NXPE2: variants seen among roughly 807,000 people sequenced by gnomAD.
The protein encoded by NXPE2 is neurexophilin and PC-esterase domain family member 2.
Under a neutral mutation model 34.4 loss-of-function variants are expected in NXPE2, and 34 were observed. The ratio of observed to expected loss-of-function variants is 0.99; its 90% confidence interval spans 0.75 to 1.31. The LOEUF is 1.31. NXPE2 is among the 40% of genes most tolerant of loss of function. The probability of loss-of-function intolerance (pLI) is 0.00; values close to 1 mark genes in which losing one functional copy is unlikely to be tolerated. For missense variants in NXPE2, 649 were observed against 672.5 expected (o/e 0.97, Z 0.39); for synonymous variants, 235 against 231.3 (o/e 1.02, Z -0.15).
chr11:114,486,643 A>C, the NXPE2 span, among the ~76,000 whole-genome samples: 1 of 152,100 alleles, frequency 6.6e-6, no homozygotes, highest in African/African-American at 2.4e-5. Flanking sequence ...CTTAGATTTA[A>C]ATGTTTAATC....
the NXPE2 span, among the ~76,000 whole-genome samples, chr11:114,594,117 T>C: frequency 6.6e-6 from 1 of 152,128 alleles, no homozygotes; most frequent in African/African-American, 2.4e-5. Context: ...CATTTGATAG[T>C]ATAACAGGGT....
the NXPE2 span, among the ~76,000 whole-genome samples, chr11:114,499,741 T>C: frequency 6.6e-6 from 1 of 152,182 alleles, no homozygotes; most frequent in Admixed American, 6.6e-5. Flanking sequence ...ACGCTTTCAC[T>C]ACCCCAAATG....
chr11:114,499,161 C>T, the NXPE2 span, among the ~76,000 whole-genome samples: 6 of 151,992 alleles, frequency 3.9e-5, no homozygotes, highest in African/African-American at 1.4e-4. Context: ...GGATTTTTAG[C>T]TTAGATTACT....
At chr11:114,485,551 A>G in the NXPE2 span, among the ~76,000 whole-genome samples, 2 of 151,714 alleles carry the variant, frequency 1.3e-5, no homozygotes, top group African/African-American at 4.8e-5. Flanking sequence ...TAAATGTACA[A>G]TACATTATTG....
chr11:114,714,945 CG>C, the NXPE2 span, among the ~76,000 whole-genome samples: 1 of 152,080 alleles, frequency 6.6e-6, no homozygotes, highest in Non-Finnish European at 1.5e-5. Context: ...TTGCTTAACC[CG>C]GGAGACAGAG....
chr11:114,649,366 T>C, the NXPE2 span, among the ~76,000 whole-genome samples: 1 of 152,182 alleles, frequency 6.6e-6, no homozygotes, highest in Non-Finnish European at 1.5e-5. Flanking sequence ...ATAGACACAA[T>C]GTGGCATATG....
At chr11:114,589,949 A>G in the NXPE2 span, among the ~76,000 whole-genome samples, 1 of 152,184 alleles carries the variant, frequency 6.6e-6, no homozygotes, top group African/African-American at 2.4e-5. Flanking sequence ...CAAATGCCTG[A>G]GGGAACTAAA....
chr11:114,659,984 C>G, the NXPE2 span, among the ~76,000 whole-genome samples: 1 of 152,010 alleles, frequency 6.6e-6, no homozygotes, highest in Admixed American at 6.6e-5. Context: ...ACAGATATAA[C>G]AGACATTAGA....
downstream of NXPE2, among the ~76,000 whole-genome samples, chr11:114,708,524 G>T (rs1259636619): frequency 1.3e-5 from 2 of 151,868 alleles, no homozygotes; most frequent in Non-Finnish European, 2.9e-5. Flanking sequence ...AAGTTATAAT[G>T]CTGTAACATC....
At chr11:114,808,832 A>G in the NXPE2 span, among the ~76,000 whole-genome samples, 2 of 152,226 alleles carry the variant, frequency 1.3e-5, no homozygotes, top group Non-Finnish European at 1.5e-5. Flanking sequence ...AATCCTGCCT[A>G]ACTCATTTTA....
Position 114,707,007 on chromosome 11 carries a change from C to A in NXPE2, c.*77C>A, listed in dbSNP as rs568748310. 1.9e-4 allele frequency: 223 copies of A among 1,190,598 alleles called. No homozygotes were observed. The African/African-American group carries it at 3.1e-3, about 17-fold the overall frequency. The allele number at this position is 1,190,598 out of a possible 1,614,324, so 73.8% of individuals were successfully genotyped here. On this transcript the variant is annotated 3_prime_UTR_variant, in exon 6 of 6. Transcript: ENST00000389586. ...TACAGCGAAGATAGTTTAATGCAAT[C>A]CAAGTTTTGAGGAAACTAAATTTGA...
the NXPE2 span, among the ~76,000 whole-genome samples, chr11:114,627,458 C>G: frequency 6.6e-6 from 1 of 151,010 alleles, no homozygotes; most frequent in Non-Finnish European, 1.5e-5. Flanking sequence ...ACTTTACAGA[C>G]AAGCAAATGC....
chr11:114,538,640 A>C, the NXPE2 span, among the ~76,000 whole-genome samples: 2 of 152,250 alleles, frequency 1.3e-5, no homozygotes, highest in African/African-American at 4.8e-5. Flanking sequence ...GACACTTCTC[A>C]ATAGAAGACA....
the NXPE2 span, among the ~76,000 whole-genome samples, chr11:114,773,453 C>A: frequency 6.6e-6 from 1 of 152,044 alleles, no homozygotes; most frequent in Non-Finnish European, 1.5e-5. Flanking sequence ...GACCTTCTTT[C>A]TTTTCTTGTG....
At chr11:114,495,579 C>G in the NXPE2 span, among the ~76,000 whole-genome samples, 3 of 151,710 alleles carry the variant, frequency 2.0e-5, no homozygotes, top group African/African-American at 7.3e-5. Context: ...CAAGCAGAAG[C>G]AGTATCTTCC....
the NXPE2 span, among the ~76,000 whole-genome samples, chr11:114,620,973 G>T: frequency 4.0e-4 from 61 of 152,150 alleles, no homozygotes; most frequent in Non-Finnish European, 7.4e-4. Context: ...GTTCCCTCAT[G>T]GGTAACCACT....
the NXPE2 span, among the ~76,000 whole-genome samples, chr11:114,757,015 C>T: frequency 5.3e-5 from 8 of 151,992 alleles, no homozygotes; most frequent in Non-Finnish European, 1.0e-4. Flanking sequence ...CACAATAGTC[C>T]TTGTTAATTT....
chr11:114,803,686 C>T, the NXPE2 span, among the ~76,000 whole-genome samples: 1 of 152,020 alleles, frequency 6.6e-6, no homozygotes. Context: ...AAGCAATTCT[C>T]CTGCCTCAGC....
At chr11:114,522,554 C>G in the NXPE2 span, 1 of 1,420,768 alleles carries the variant, frequency 7.0e-7, no homozygotes, top group Non-Finnish European at 9.5e-7. Flanking sequence ...GGTTAATATT[C>G]ATGAAAAAGA....
Sources: allele counts gnomAD v4.1 joint callset (sites outside exome capture counted in the v4.1 genomes callset), GRCh38; gene constraint gnomAD v4.1.1; transcripts MANE v1.5; gene names NCBI Gene and HGNC (gene_info 2026-07-23, HGNC 2026-07-21).